HFM1: variants seen among roughly 807,000 people sequenced by gnomAD.
HFM1 encodes probable ATP-dependent DNA helicase HFM1.
HFM1 carries 169 observed loss-of-function variants against 192.1 expected under a neutral mutation model. The observed-to-expected ratio is 0.88, with a 90% confidence interval of 0.78 to 1.00. The LOEUF (loss-of-function observed/expected upper bound fraction) is 1.00, where lower values mean the gene tolerates loss of function less well. Ranked by LOEUF, HFM1 falls within the 50% of genes least tolerant of loss-of-function variation. HFM1 has a pLI of 0.00. For synonymous variants in HFM1, 525 were observed against 537.8 expected (o/e 0.98, Z 0.33); for missense variants, 1,661 against 1,668.0 (o/e 1.00, Z 0.07).
At chr1:91,389,112 C>G (rs983328002) in intron 4 of HFM1, among the ~76,000 whole-genome samples, 2 of 150,556 alleles carry the variant, frequency 1.3e-5, no homozygotes, top group Admixed American at 6.7e-5. Flanking sequence ...GCCCTAATCC[C>G]CAGTGGGTTT....
chr1:91,302,650 G>A lies in HFM1; in HGVS notation c.3391+10699C>T, dbSNP rs79282621. Reference sequence around the variant, plus strand: ...CCTTTGTAGGGACATGGATGACGCTGGAAACCATCATTCTCAGCAAACTAT... The same window carrying A: ...CCTTTGTAGGGACATGGATGACGCTAGAAACCATCATTCTCAGCAAACTAT... On this transcript the variant is annotated intron_variant, in intron 30 of 38. Transcript: ENST00000370425. Among the ~76,000 whole-genome samples, 48 of 152,134 alleles carry A rather than the reference G, an allele frequency of 3.2e-4. No individual in the cohort carries two copies. The East Asian group carries it at 8.7e-3, about 28-fold the overall frequency.
intron 34 of HFM1, 100 bp from the exon 35 acceptor site, chr1:91,267,955 T>C (rs1234663403): frequency 1.5e-6 from 1 of 685,682 alleles, no homozygotes; most frequent in African/African-American, 1.9e-5. Flanking sequence ...ACTTTCTCAT[T>C]TGAAGTTGTA....
intron 1 of HFM1, 130 bp from the exon 2 acceptor site, chr1:91,401,239 T>C: frequency 3.7e-6 from 2 of 545,242 alleles, no homozygotes. Context: ...CTTCATCGTC[T>C]GCAACTTCCT....
At position 91,396,500 on chromosome 1, in the gene HFM1, A is replaced by G. The variant is rs567747147; in HGVS notation, c.72-95T>C. 9 of 620,356 alleles carry G rather than the reference A, an allele frequency of 1.5e-5. No homozygotes were observed. In the East Asian group the frequency reaches 2.6e-4, roughly 18 times the overall value. 38.4% of individuals were successfully genotyped at this position (620,356 alleles called of 1,614,324 possible). A position where few individuals can be genotyped will look rare whatever the true frequency, so the allele number is the denominator to read the frequency against. ...AAACATTACTCAATTGGACTCTTAA[A>G]CATTCTATAAATTAACTTTCTGTCA... On this transcript the variant is annotated intron_variant, in intron 2 of 38. Coordinates refer to ENST00000370425, the MANE Select transcript of HFM1 (RefSeq NM_001017975.6).
upstream of HFM1, among the ~76,000 whole-genome samples, chr1:91,407,206 G>C (rs541101066): frequency 8.5e-5 from 13 of 152,096 alleles, no homozygotes; most frequent in Admixed American, 4.6e-4. Context: ...GGGGCCCGTT[G>C]GGGGGTGAGG....
intron 8 of HFM1, among the ~76,000 whole-genome samples, chr1:91,379,647 A>C (rs1229079029): frequency 7.0e-6 from 1 of 143,218 alleles, no homozygotes; most frequent in Non-Finnish European, 1.5e-5. Flanking sequence ...AAATAGAAAT[A>C]GAAATGATTT....
intron 25 of HFM1, among the ~76,000 whole-genome samples, chr1:91,318,072 A>G (rs1422132186): frequency 1.3e-5 from 2 of 152,130 alleles, no homozygotes; most frequent in Non-Finnish European, 2.9e-5. Flanking sequence ...CGAATTTCAA[A>G]ATTTTCTAAA....
At chr1:91,340,783 AG>A (rs1325960025) in intron 20 of HFM1, among the ~76,000 whole-genome samples, 1 of 152,214 alleles carries the variant, frequency 6.6e-6, no homozygotes, top group African/African-American at 2.4e-5. Context: ...CAAAAAAAGC[AG>A]GGGTTGCTAT....
chr1:91,266,750 T>TA (rs1026562018), intron 35 of HFM1, among the ~76,000 whole-genome samples: 4 of 152,192 alleles, frequency 2.6e-5, no homozygotes, highest in African/African-American at 7.2e-5. Context: ...CATTGCCTAT[T>TA]AACTTGCAGT....
intron 4 of HFM1, among the ~76,000 whole-genome samples, chr1:91,388,661 C>A (rs1267643807): frequency 6.6e-6 from 1 of 152,184 alleles, no homozygotes; most frequent in African/African-American, 2.4e-5. Flanking sequence ...TAGAAGAAAA[C>A]TTAAGAGTAA....
chr1:91,365,255 G>A (rs1046299700), intron 13 of HFM1, among the ~76,000 whole-genome samples: 4 of 152,042 alleles, frequency 2.6e-5, no homozygotes, highest in Non-Finnish European at 5.9e-5. Flanking sequence ...CAGAAAAGCA[G>A]ATACATAGTG....
rs1662578167 is a variant in HFM1, at chr1:91,388,925, C to T, written c.495-3091G>A. On this transcript the variant is annotated intron_variant, in intron 4 of 38. Transcript: ENST00000370425. The stretch of plus-strand genomic sequence containing the variant: ...AGAGACTGTTATTGGGAATAAAGAA[C>T]TCTTAAAACTCAACAATTAAAAGAC... Among the ~76,000 whole-genome samples, 3 of 152,064 alleles carry T rather than the reference C, an allele frequency of 2.0e-5. No individual in the cohort carries two copies. The South Asian group carries it at 6.2e-4, about 32-fold the overall frequency.
chr1:91,262,419 C>G, intron 37 of HFM1, 27 bp from the exon 38 acceptor site: 1 of 1,578,984 alleles, frequency 6.3e-7, no homozygotes, highest in Non-Finnish European at 8.6e-7. Context: ...AAATAACAAT[C>G]ATTGAAAGTT....
At chr1:91,359,502 T>A (rs1412506276) in intron 13 of HFM1, among the ~76,000 whole-genome samples, 1 of 144,972 alleles carries the variant, frequency 6.9e-6, no homozygotes, top group Non-Finnish European at 1.5e-5. Context: ...GAGGAAAGAA[T>A]CTCTGAGCTA....
chr1:91,364,692 G>C (rs1659036138), intron 13 of HFM1, among the ~76,000 whole-genome samples: 1 of 138,986 alleles, frequency 7.2e-6, no homozygotes, highest in African/African-American at 2.7e-5. Context: ...GTGTGCAGTG[G>C]CACGATCTCA....
chr1:91,373,675 C>A (rs971478368), intron 13 of HFM1, among the ~76,000 whole-genome samples: 1 of 151,792 alleles, frequency 6.6e-6, no homozygotes, highest in Admixed American at 6.6e-5. Context: ...CTGCTCTCAC[C>A]ATGTGATACA....
intron 13 of HFM1, among the ~76,000 whole-genome samples, chr1:91,355,665 A>G (rs1328899004): frequency 2.0e-5 from 3 of 152,196 alleles, no homozygotes; most frequent in East Asian, 1.9e-4. Flanking sequence ...TCAAGAGCAC[A>G]TAAGAATTGT....
intron 20 of HFM1, chr1:91,329,392 G>A (rs879703159): frequency 1.0e-4 from 163 of 1,583,120 alleles, no homozygotes; most frequent in Middle Eastern, 2.1e-4. Flanking sequence ...ACCCAGGGCC[G>A]CCTGGATGAT....
intron 13 of HFM1, among the ~76,000 whole-genome samples, chr1:91,356,521 T>C (rs1328747503): frequency 2.0e-5 from 3 of 151,822 alleles, no homozygotes; most frequent in Non-Finnish European, 2.9e-5. Flanking sequence ...AGATACTAAA[T>C]AGACAGCCTA....
Sources: gnomAD v4.1 joint callset for allele counts (sites outside exome capture counted in the v4.1 genomes callset) on GRCh38, gnomAD v4.1.1 for gene constraint, MANE v1.5 for transcripts, NCBI Gene and HGNC (gene_info 2026-07-23, HGNC 2026-07-21) for gene names.